The following CAMK4 variants were observed in gnomAD, a reference collection of about 807,000 sequenced individuals.
The protein encoded by CAMK4 is calcium/calmodulin dependent protein kinase IV, also known as calcium/calmodulin-dependent protein kinase type IV.
CAMK4 carries 22 observed loss-of-function variants against 44.9 expected under a neutral mutation model. That is an observed-to-expected ratio of 0.49 (90% CI 0.35 to 0.70). The LOEUF (loss-of-function observed/expected upper bound fraction) is 0.70, where lower values mean the gene tolerates loss of function less well. Among genes scored for constraint, CAMK4 ranks in the 30% least tolerant of loss-of-function variants. The pLI, the probability that CAMK4 is intolerant of heterozygous loss-of-function variation, is 0.01. For missense variants in CAMK4, 498 were observed against 586.8 expected (o/e 0.85, Z 1.56); for synonymous variants, 218 against 215.4 (o/e 1.01, Z -0.11).
chr5:111,449,238 G>A, intron 7 of CAMK4, 35 bp downstream of exon 7: 2 of 941,604 alleles, frequency 2.1e-6, no homozygotes, highest in Non-Finnish European at 3.2e-6. Flanking sequence ...TACTTTTATT[G>A]TTATTTGAAA....
At chr5:111,227,208 C>T (rs956156643) in intron 1 of CAMK4, among the ~76,000 whole-genome samples, 1 of 152,080 alleles carries the variant, frequency 6.6e-6, no homozygotes, top group South Asian at 2.1e-4. Context: ...TATTAAGAAT[C>T]GATAGAGCCA....
intron 4 of CAMK4, among the ~76,000 whole-genome samples, chr5:111,379,081 C>T (rs547083509): frequency 5.9e-5 from 9 of 152,230 alleles, no homozygotes; most frequent in African/African-American, 1.9e-4. Context: ...GAGCTATGAG[C>T]TCTCTCTAAG....
chr5:111,394,643 A>G, intron 4 of CAMK4, 67 bp from the exon 5 acceptor site: 1 of 1,022,662 alleles, frequency 9.8e-7, no homozygotes, highest in African/African-American at 1.6e-5. Context: ...AATTTACTTA[A>G]CTTCTTTTAA....
chr5:111,424,853 T>C (rs1459892324), intron 5 of CAMK4, among the ~76,000 whole-genome samples: 2 of 152,032 alleles, frequency 1.3e-5, no homozygotes, highest in African/African-American at 4.8e-5. Context: ...ATATCTGGAA[T>C]GATGAAAGAA....
chr5:111,350,049 T>A (rs1750028110), intron 2 of CAMK4, among the ~76,000 whole-genome samples: 1 of 152,074 alleles, frequency 6.6e-6, no homozygotes, highest in Non-Finnish European at 1.5e-5. Flanking sequence ...GATGTTGTGG[T>A]CTGTGGTGCC....
intron 5 of CAMK4, among the ~76,000 whole-genome samples, chr5:111,431,904 C>T (rs1322800880): frequency 6.6e-6 from 1 of 152,118 alleles, no homozygotes; most frequent in East Asian, 1.9e-4. Context: ...CCTTGTACAA[C>T]GTTGTTGAGA....
At chr5:111,341,182 A>G (rs1201341589) in intron 1 of CAMK4, among the ~76,000 whole-genome samples, 1 of 151,324 alleles carries the variant, frequency 6.6e-6, no homozygotes, top group Non-Finnish European at 1.5e-5. Flanking sequence ...CCACACTTTC[A>G]AAGAGCAGAC....
chr5:111,231,788 G>A (rs1034863160), intron 1 of CAMK4, among the ~76,000 whole-genome samples: 1 of 152,102 alleles, frequency 6.6e-6, no homozygotes, highest in African/African-American at 2.4e-5. Context: ...AAAGCAAATT[G>A]TATATGCCAT....
intron 5 of CAMK4, among the ~76,000 whole-genome samples, chr5:111,424,256 A>G (rs776787892): frequency 1.5e-4 from 23 of 152,168 alleles, no homozygotes; most frequent in Admixed American, 3.3e-4. Flanking sequence ...CCTTTAAAAG[A>G]CACAGGTGCA....
intron 2 of CAMK4, among the ~76,000 whole-genome samples, chr5:111,374,026 G>A (rs549844751): frequency 4.6e-5 from 7 of 152,100 alleles, no homozygotes; most frequent in Non-Finnish European, 1.0e-4. Flanking sequence ...GAGACCAAGT[G>A]GTGAACTAAC....
At chr5:111,305,113 T>G (rs1212992897) in intron 1 of CAMK4, among the ~76,000 whole-genome samples, 2 of 115,270 alleles carry the variant, frequency 1.7e-5, no homozygotes. Context: ...AGAGGGAAAT[T>G]TATAGCACTA....
intron 4 of CAMK4, among the ~76,000 whole-genome samples, chr5:111,392,663 A>G (rs1049187008): frequency 6.6e-6 from 1 of 152,184 alleles, no homozygotes; most frequent in Non-Finnish European, 1.5e-5. Flanking sequence ...CATTTTGTAC[A>G]TATTAACCTG....
intron 7 of CAMK4, among the ~76,000 whole-genome samples, chr5:111,461,813 T>TAAAAAAA (rs3066731): frequency 0.07 from 4,812 of 68,994 alleles, 634 homozygotes; most frequent in Non-Finnish European, 0.1. Flanking sequence ...GCCTCTATAG[T>TAAAAAAA]AAAAAAAAAA....
intron 2 of CAMK4, among the ~76,000 whole-genome samples, chr5:111,361,911 A>C (rs1283416932): frequency 2.6e-5 from 4 of 152,082 alleles, no homozygotes; most frequent in Admixed American, 6.6e-5. Flanking sequence ...TTTCATGTTT[A>C]GTAGATACTT....
At chr5:111,320,369 G>A (rs1190651483) in intron 1 of CAMK4, among the ~76,000 whole-genome samples, 4 of 152,162 alleles carry the variant, frequency 2.6e-5, no homozygotes, top group Non-Finnish European at 2.9e-5. Flanking sequence ...TAAGGCTAGA[G>A]ACCTGGAGCC....
intron 1 of CAMK4, among the ~76,000 whole-genome samples, chr5:111,239,291 T>G (rs765878389): frequency 3.9e-5 from 6 of 152,170 alleles, no homozygotes; most frequent in Admixed American, 1.3e-4. Context: ...GTTTTACTTG[T>G]GTTTTGCTTG....
chr5:111,420,933 C>G (rs1353729900), intron 5 of CAMK4, among the ~76,000 whole-genome samples: 1 of 152,088 alleles, frequency 6.6e-6, no homozygotes, highest in African/African-American at 2.4e-5. Context: ...TTACAGGGTC[C>G]TGAGGCAACA....
At chr5:111,370,906 T>A (rs1234227629) in intron 2 of CAMK4, among the ~76,000 whole-genome samples, 1 of 112,238 alleles carries the variant, frequency 8.9e-6, no homozygotes, top group Non-Finnish European at 1.8e-5. Flanking sequence ...AAAGCGAGAC[T>A]CCATCTCAAA....
chr5:111,356,262 A>G (rs1248911407), intron 2 of CAMK4, among the ~76,000 whole-genome samples: 2 of 151,572 alleles, frequency 1.3e-5, no homozygotes, highest in East Asian at 3.9e-4. Flanking sequence ...AGTGATGATG[A>G]GCATTTTTTC....
Sources: allele counts gnomAD v4.1 joint callset (sites outside exome capture counted in the v4.1 genomes callset), GRCh38; gene constraint gnomAD v4.1.1; transcripts MANE v1.5; gene names NCBI Gene and HGNC (gene_info 2026-07-23, HGNC 2026-07-21).